The following TNNI3K variants were observed in gnomAD, a reference collection of about 807,000 sequenced individuals.
TNNI3K encodes TNNI3 interacting kinase.
A neutral mutation model predicts 114.5 loss-of-function variants in TNNI3K; 140 were observed. That is an observed-to-expected ratio of 1.22 (90% CI 1.07 to 1.41). TNNI3K has a LOEUF of 1.41. Ranked by LOEUF, TNNI3K falls within the 40% of genes most tolerant of loss-of-function variation. The pLI, the probability that TNNI3K is intolerant of heterozygous loss-of-function variation, is 0.00. For missense variants in TNNI3K, 1,125 were observed against 1,007.6 expected (o/e 1.12, Z -1.58); for synonymous variants, 347 against 347.5 (o/e 1.00, Z 0.02).
At chr1:74,259,943 G>A (rs973870858) in intron 4 of TNNI3K, among the ~76,000 whole-genome samples, 1 of 152,166 alleles carries the variant, frequency 6.6e-6, no homozygotes, top group Non-Finnish European at 1.5e-5. Flanking sequence ...CTCAGCTGAT[G>A]TATTTGTAGA....
Position 74,483,533 on chromosome 1 carries a change from T to C in TNNI3K, c.2122-5656T>C, listed in dbSNP as rs78871399. ...CCAGGTAAATAACTACATTCCTTAA[T>C]TTGCATAGAATTTAAACTGAAATGT... On this transcript the variant is annotated intron_variant, in intron 21 of 24. Coordinates refer to ENST00000326637, the MANE Select transcript of TNNI3K (RefSeq NM_015978.3). Among the ~76,000 whole-genome samples the C allele has an allele frequency of 8.0e-3, 1,224 of 152,302 alleles. 16 individuals carry two copies. Among genetic ancestry groups the C allele is most frequent in the African/African-American group, 0.028 (1,165 of 41,554 alleles).
intron 5 of TNNI3K, among the ~76,000 whole-genome samples, chr1:74,321,714 T>C (rs1185784467): frequency 6.6e-6 from 1 of 152,060 alleles, no homozygotes; most frequent in Non-Finnish European, 1.5e-5. Flanking sequence ...TCATCTTCTG[T>C]GTAATTTTAA....
At chr1:74,384,480 G>C (rs1663372589) in intron 17 of TNNI3K, among the ~76,000 whole-genome samples, 2 of 152,214 alleles carry the variant, frequency 1.3e-5, no homozygotes, top group South Asian at 4.1e-4. Flanking sequence ...AAATTTTAGT[G>C]ATTTCCAGCC....
intron 21 of TNNI3K, 26 bp from the exon 22 acceptor site, chr1:74,489,162 GA>G (rs944483618): frequency 6.3e-7 from 1 of 1,595,520 alleles, no homozygotes; most frequent in Non-Finnish European, 8.5e-7. Flanking sequence ...ATTCTTAAGG[GA>G]AAAAAGTTCT....
At chr1:74,409,398 G>C (rs569527138) in intron 17 of TNNI3K, among the ~76,000 whole-genome samples, 3 of 151,404 alleles carry the variant, frequency 2.0e-5, no homozygotes, top group Non-Finnish European at 2.9e-5. Flanking sequence ...ATAAAGAAGC[G>C]TTCTTTATTG....
intron 5 of TNNI3K, among the ~76,000 whole-genome samples, chr1:74,307,700 G>A (rs886691920): frequency 6.6e-6 from 1 of 152,140 alleles, no homozygotes; most frequent in South Asian, 2.1e-4. Context: ...GTGGAGGACG[G>A]CCAGGCGTGG....
intron 17 of TNNI3K, among the ~76,000 whole-genome samples, chr1:74,434,138 G>A (rs1296711543): frequency 6.6e-6 from 1 of 151,888 alleles, no homozygotes; most frequent in Non-Finnish European, 1.5e-5. Flanking sequence ...TAAAATATAT[G>A]CATAAAAACC....
chr1:74,263,910 G>A (rs1655817355), intron 4 of TNNI3K, among the ~76,000 whole-genome samples: 1 of 151,844 alleles, frequency 6.6e-6, no homozygotes, highest in Admixed American at 6.6e-5. Context: ...TTTTCAAGTA[G>A]CATGTATTTA....
At position 74,369,491 on chromosome 1, in the gene TNNI3K, G is replaced by A. The variant is rs1570533856; in HGVS notation, c.1573G>A (p.Val525Met). ...CAATCATCCCTGCGTAATTCAGTTT[G>A]TGGGTGCTTGCTTGAATGATCCCAG... Reference protein sequence around the residue: ...QLNHPCVIQFVGACLNDPSQF... With the variant: ...QLNHPCVIQFMGACLNDPSQF... The change falls in exon 16 of 25, where the codon GTG (valine) becomes ATG (methionine). Residue 525 changes from valine to methionine, a missense_variant. Physicochemically the swap from Val to Met is conservative, Grantham distance 21 (BLOSUM62 1). Transcript: ENST00000326637. 13 of 1,612,792 alleles carry A rather than the reference G, an allele frequency of 8.1e-6. No individual in the cohort carries two copies. The highest frequency in any genetic ancestry group is 1.1e-5 in the Non-Finnish European group (13 of 1,179,212).
chr1:74,541,311 C>T (rs984952431), intron 24 of TNNI3K, among the ~76,000 whole-genome samples: 1 of 152,062 alleles, frequency 6.6e-6, no homozygotes, highest in Non-Finnish European at 1.5e-5. Context: ...AATGTATGTT[C>T]TGAATAGATG....
intron 17 of TNNI3K, among the ~76,000 whole-genome samples, chr1:74,390,010 T>C (rs1050512421): frequency 6.6e-6 from 1 of 152,160 alleles, no homozygotes; most frequent in Non-Finnish European, 1.5e-5. Flanking sequence ...TGGGAGAAGA[T>C]AATGATATTA....
chr1:74,360,100 T>A (rs1032875314), intron 11 of TNNI3K, among the ~76,000 whole-genome samples: 1 of 151,588 alleles, frequency 6.6e-6, no homozygotes, highest in Non-Finnish European at 1.5e-5. Context: ...CCTTTTTTCT[T>A]TTTTTTTACT....
At chr1:74,437,402 C>T (rs936176004) in intron 19 of TNNI3K, among the ~76,000 whole-genome samples, 1 of 151,910 alleles carries the variant, frequency 6.6e-6, no homozygotes, top group Non-Finnish European at 1.5e-5. Context: ...GACAAATTAA[C>T]AAAATATATC....
rs780386116 is a variant in TNNI3K at position 74,436,156 on chromosome 1, CT to C, written c.1825+31del. The stretch of plus-strand genomic sequence containing the variant: ...AGGTGAGATACCCCAAAATGGCATC[CT>C]TTTTTTCTTTGTTCCTAGCTGGTAC... On this transcript the variant is annotated intron_variant, in intron 18 of 24. Coordinates refer to ENST00000326637, the MANE Select transcript of TNNI3K (RefSeq NM_015978.3). 43 of 1,606,894 alleles carry C rather than the reference CT, an allele frequency of 2.7e-5. No homozygotes were observed. The South Asian group carries it at 4.0e-4, about 15-fold the overall frequency.
At chr1:74,313,975 T>C (rs1407628253) in intron 5 of TNNI3K, among the ~76,000 whole-genome samples, 5 of 150,756 alleles carry the variant, frequency 3.3e-5, no homozygotes, top group Admixed American at 3.3e-4. Context: ...TCTTAACCGA[T>C]ATTCTGTAGA....
chr1:74,453,287 A>G (rs1667101174), intron 20 of TNNI3K, among the ~76,000 whole-genome samples: 1 of 152,204 alleles, frequency 6.6e-6, no homozygotes, highest in South Asian at 2.1e-4. Context: ...TTTATTGGAA[A>G]GAGATTTTGT....
At chr1:74,295,358 C>T (rs918328894) in intron 5 of TNNI3K, among the ~76,000 whole-genome samples, 9 of 152,154 alleles carry the variant, frequency 5.9e-5, no homozygotes, top group Non-Finnish European at 1.3e-4. Context: ...TTAGTTCCCA[C>T]TTAGGTAATT....
chr1:74,279,505 A>G (rs906789529), intron 5 of TNNI3K, among the ~76,000 whole-genome samples: 4 of 152,214 alleles, frequency 2.6e-5, no homozygotes, highest in Non-Finnish European at 4.4e-5. Context: ...GATGATTCAT[A>G]TGCATATTCA....
chr1:74,287,893 A>G (rs1657430922), intron 5 of TNNI3K, among the ~76,000 whole-genome samples: 1 of 152,164 alleles, frequency 6.6e-6, no homozygotes, highest in South Asian at 2.1e-4. Context: ...CAGTAAAAGG[A>G]CAACAAATAT....
Sources: allele counts gnomAD v4.1 joint callset (sites outside exome capture counted in the v4.1 genomes callset), GRCh38; gene constraint gnomAD v4.1.1; transcripts MANE v1.5; gene names NCBI Gene and HGNC (gene_info 2026-07-23, HGNC 2026-07-21).